VRK2: variants seen among roughly 807,000 people sequenced by gnomAD.
VRK2 encodes the protein VRK serine/threonine kinase 2.
A neutral mutation model predicts 57.6 loss-of-function variants in VRK2; 60 were observed. The ratio of observed to expected loss-of-function variants is 1.04; its 90% confidence interval spans 0.85 to 1.29. The LOEUF is 1.29. Ranked by LOEUF, VRK2 falls within the 50% of genes most tolerant of loss-of-function variation. The pLI is 0.00. For synonymous variants in VRK2, 231 were observed against 199.2 expected (o/e 1.16, Z -1.35); for missense variants, 705 against 588.1 (o/e 1.20, Z -2.06).
intron 7 of VRK2, among the ~76,000 whole-genome samples, chr2:58,099,448 A>G (rs1192013388): frequency 1.3e-5 from 2 of 151,982 alleles, no homozygotes; most frequent in Non-Finnish European, 2.9e-5. Context: ...TACTTCTTTT[A>G]TATTCCTCGC....
intron 1 of VRK2, among the ~76,000 whole-genome samples, chr2:57,943,029 T>G (rs1443333510): frequency 6.6e-6 from 1 of 152,190 alleles, no homozygotes; most frequent in African/African-American, 2.4e-5. Flanking sequence ...ATATAGGCAT[T>G]ATAAGCAATT....
intron 7 of VRK2, among the ~76,000 whole-genome samples, chr2:58,113,693 C>G (rs916851259): frequency 1.3e-5 from 2 of 152,062 alleles, no homozygotes; most frequent in Non-Finnish European, 2.9e-5. Flanking sequence ...CACGGTTAAT[C>G]ACTTAGTTAA....
At chr2:57,947,250 G>A (rs1484024846) in intron 1 of VRK2, among the ~76,000 whole-genome samples, 1 of 152,116 alleles carries the variant, frequency 6.6e-6, no homozygotes, top group Non-Finnish European at 1.5e-5. Flanking sequence ...AATGGGTCTA[G>A]AAATTTTAAA....
chr2:57,994,967 T>C lies in VRK2; in HGVS notation c.-438-30698T>C, dbSNP rs1672881826. On this transcript the variant is annotated intron_variant, in intron 1 of 15. Transcript: ENST00000417641. ...TCTGTATTCAATTTGTTGTGATATCTTCCCTGTGATTAAAAATATCAAGAA... is the reference window on the plus strand; with the variant it reads ...TCTGTATTCAATTTGTTGTGATATCCTCCCTGTGATTAAAAATATCAAGAA... 2.6e-5 allele frequency among the ~76,000 whole-genome samples: 4 copies of C among 152,170 alleles called. No individual in the cohort carries two copies. In the South Asian group the frequency reaches 8.3e-4, roughly 31 times the overall value.
chr2:57,917,543 T>C (rs1422303555), intron 1 of VRK2, among the ~76,000 whole-genome samples: 2 of 149,696 alleles, frequency 1.3e-5, no homozygotes, highest in South Asian at 2.1e-4. Flanking sequence ...TTAGTCATAC[T>C]AGATCTAGAT....
intron 1 of VRK2, among the ~76,000 whole-genome samples, chr2:57,990,227 C>A (rs1048469520): frequency 3.9e-5 from 6 of 152,168 alleles, no homozygotes; most frequent in African/African-American, 1.4e-4. Context: ...GAAATCAATT[C>A]ATACTAATTT....
intron 12 of VRK2, among the ~76,000 whole-genome samples, chr2:58,157,861 T>TAAAC (rs2104736158): frequency 6.6e-6 from 1 of 152,272 alleles, no homozygotes; most frequent in South Asian, 2.1e-4. Context: ...AGACAATACA[T>TAAAC]AAACAAATTG....
At chr2:57,970,438 A>AT (rs935485730) in intron 1 of VRK2, among the ~76,000 whole-genome samples, 1 of 151,106 alleles carries the variant, frequency 6.6e-6, no homozygotes, top group Non-Finnish European at 1.5e-5. Flanking sequence ...TTCTTTGTGG[A>AT]TTTTTTTTAT....
At chr2:58,012,361 T>A (rs1673439938) in intron 1 of VRK2, among the ~76,000 whole-genome samples, 1 of 152,176 alleles carries the variant, frequency 6.6e-6, no homozygotes, top group African/African-American at 2.4e-5. Flanking sequence ...CCAAGAACCC[T>A]CTCTTGGGGT....
intron 1 of VRK2, among the ~76,000 whole-genome samples, chr2:58,002,578 A>G (rs560987011): frequency 2.0e-5 from 3 of 152,296 alleles, no homozygotes; most frequent in African/African-American, 7.2e-5. Context: ...CTGAAACTGC[A>G]GAGGATTATT....
intron 1 of VRK2, among the ~76,000 whole-genome samples, chr2:57,926,005 A>G (rs886265889): frequency 6.6e-6 from 1 of 152,006 alleles, no homozygotes; most frequent in Non-Finnish European, 1.5e-5. Flanking sequence ...ATTCAGGAGC[A>G]TACTGTTTAA....
intron 7 of VRK2, among the ~76,000 whole-genome samples, chr2:58,096,090 T>C (rs902515347): frequency 4.6e-5 from 7 of 152,098 alleles, no homozygotes; most frequent in African/African-American, 1.7e-4. Flanking sequence ...TGGTATAATA[T>C]ATTGCTGAGC....
rs140452303 is a variant in VRK2, at chr2:57,963,977, A to G, written c.-439+56138A>G. On this transcript the variant is annotated intron_variant, in intron 1 of 15. Transcript: ENST00000417641. ...GTTACCATCTAAAATAGCCGCCTCT[A>G]TCTTTCTTCAGTTTTTACTTGGCTT... is the stretch of plus-strand genomic sequence containing the variant. Among the ~76,000 whole-genome samples the G allele has an allele frequency of 7.9e-5, 12 of 152,306 alleles. No homozygotes were observed. The East Asian group carries it at 2.3e-3, about 29-fold the overall frequency.
intron 8 of VRK2, among the ~76,000 whole-genome samples, chr2:58,126,418 G>A (rs1054321223): frequency 1.3e-5 from 2 of 152,076 alleles, no homozygotes; most frequent in Admixed American, 6.6e-5. Flanking sequence ...ACTTGTATAA[G>A]CTGCCATTCA....
At chr2:58,150,385 A>G (rs1682816500) in intron 12 of VRK2, among the ~76,000 whole-genome samples, 1 of 151,282 alleles carries the variant, frequency 6.6e-6, no homozygotes, top group African/African-American at 2.4e-5. Flanking sequence ...CAAATTTATC[A>G]GCACTAAGTT....
In VRK2 at chr2:58,137,351, G is replaced by A. The variant is rs1358610362; in HGVS notation, c.856+2152G>A. ...CAGTTTAGGGTAAGAAAGCCCAGAT[G>A]CCCTGAATTGTACAAGACAAATGCT... On this transcript the variant is annotated intron_variant, in intron 10 of 12. Coordinates refer to ENST00000340157, the MANE Select transcript of VRK2 (RefSeq NM_006296.7). 2.0e-5 allele frequency among the ~76,000 whole-genome samples: 3 copies of A among 150,752 alleles called. No individual in the cohort carries two copies. In the Admixed American group the frequency reaches 2.0e-4, roughly 10 times the overall value.
At chr2:58,059,443 T>C (rs1358838288) in intron 2 of VRK2, among the ~76,000 whole-genome samples, 1 of 151,964 alleles carries the variant, frequency 6.6e-6, no homozygotes, top group Non-Finnish European at 1.5e-5. Flanking sequence ...TTTATAAATA[T>C]TGAATGATTC....
At chr2:57,921,193 G>A (rs1317541336) in intron 1 of VRK2, among the ~76,000 whole-genome samples, 1 of 151,960 alleles carries the variant, frequency 6.6e-6, no homozygotes, top group Non-Finnish European at 1.5e-5. Flanking sequence ...TGCCACTTGC[G>A]AGGCCCCTTC....
intron 1 of VRK2, among the ~76,000 whole-genome samples, chr2:57,921,176 T>C (rs1463665844): frequency 6.6e-6 from 1 of 152,110 alleles, no homozygotes; most frequent in Non-Finnish European, 1.5e-5. Flanking sequence ...AGGGTGCTTA[T>C]TAGGGATGCC....
Sources: allele counts gnomAD v4.1 joint callset (sites outside exome capture counted in the v4.1 genomes callset), GRCh38; gene constraint gnomAD v4.1.1; transcripts MANE v1.5; gene names NCBI Gene and HGNC (gene_info 2026-07-23, HGNC 2026-07-21).